MYH15: variants seen among roughly 807,000 people sequenced by gnomAD.
The protein encoded by MYH15 is myosin-15.
Under a neutral mutation model 240.5 loss-of-function variants are expected in MYH15, and 227 were observed. The ratio of observed to expected loss-of-function variants is 0.94; its 90% CI spans 0.85 to 1.05. MYH15 has a LOEUF of 1.05. Ranked by LOEUF, MYH15 falls within the 50% of genes least tolerant of loss-of-function variation. The probability of loss-of-function intolerance (pLI) is 0.00; values close to 1 mark genes in which losing one functional copy is unlikely to be tolerated. For synonymous variants in MYH15, 785 were observed against 796.7 expected, an observed-to-expected ratio of 0.99 and a Z score of 0.25; for missense variants, 2,217 against 2,247.5, an observed-to-expected ratio of 0.99 and a Z score of 0.27.
At chr3:108,535,235 T>C in the MYH15 span, among the ~76,000 whole-genome samples, 2 of 152,190 alleles carry the variant, frequency 1.3e-5, no homozygotes, top group African/African-American at 2.4e-5. Context: ...TGGGCTGCTA[T>C]AGTAAAATAC....
intron 33 of MYH15, among the ~76,000 whole-genome samples, chr3:108,400,108 T>C (rs915719168): frequency 2.6e-5 from 4 of 152,188 alleles, no homozygotes; most frequent in Non-Finnish European, 5.9e-5. Flanking sequence ...AAATGTTCAC[T>C]TGTGAGATCC....
Position 108,464,832 on chromosome 3 carries a change from G to A in MYH15, c.1555-18C>T. ...CCCATTGGCTGTTGAAGAGACATAAGAGCAGCAGATTTCTTTAAAAACACC... is the reference window on the plus strand; with the variant it reads ...CCCATTGGCTGTTGAAGAGACATAAAAGCAGCAGATTTCTTTAAAAACACC... On this transcript the variant is annotated intron_variant, in intron 14 of 40. Transcript: ENST00000693548. 6.4e-7 allele frequency: 1 copy of A among 1,565,132 alleles called. No individual in the cohort carries two copies. The highest frequency in any genetic ancestry group is 8.6e-7 in the Non-Finnish European group (1 of 1,160,432).
At chr3:108,397,683 G>T (rs1196595703) in intron 35 of MYH15, among the ~76,000 whole-genome samples, 1 of 152,194 alleles carries the variant, frequency 6.6e-6, no homozygotes, top group African/African-American at 2.4e-5. Context: ...AAGGATCTAA[G>T]AATTCTTGCT....
intron 6 of MYH15, 144 bp from the exon 7 acceptor site, chr3:108,496,016 C>G: frequency 1.8e-6 from 1 of 550,670 alleles, no homozygotes; most frequent in East Asian, 3.0e-5. Flanking sequence ...GTTATATTAT[C>G]TTCGAATGAG....
intron 21 of MYH15, among the ~76,000 whole-genome samples, chr3:108,448,952 T>G (rs1450295372): frequency 1.3e-5 from 2 of 151,960 alleles, no homozygotes; most frequent in African/African-American, 2.4e-5. Context: ...AACATTTCTA[T>G]ATACTAACAA....
chr3:108,434,190 GT>G (rs5851590), intron 25 of MYH15, among the ~76,000 whole-genome samples: 14,743 of 130,858 alleles, frequency 0.11, 706 homozygotes, highest in South Asian at 0.25. Context: ...ATTGAGAATG[GT>G]TTTTTTTTTT....
chr3:108,496,801 C>CA (rs71673665), intron 6 of MYH15, among the ~76,000 whole-genome samples: 2,154 of 122,912 alleles, frequency 0.018, 17 homozygotes, highest in Middle Eastern at 0.055. Context: ...TAATGCGCAC[C>CA]AAAAAAAAAA....
At chr3:108,484,028 T>A (rs2083287581) in intron 11 of MYH15, among the ~76,000 whole-genome samples, 1 of 152,220 alleles carries the variant, frequency 6.6e-6, no homozygotes, top group African/African-American at 2.4e-5. Context: ...ACAATGTGAA[T>A]GTTCTTCATG....
chr3:108,534,550 T>C, the MYH15 span, among the ~76,000 whole-genome samples: 1 of 152,120 alleles, frequency 6.6e-6, no homozygotes, highest in Non-Finnish European at 1.5e-5. Context: ...AAGTTGTTTC[T>C]GAAGCTTAAG....
At chr3:108,437,405 GA>G (rs35964179) in intron 25 of MYH15, 148 bp downstream of exon 25, 597 of 950,440 alleles carry the variant, frequency 6.3e-4, no homozygotes, top group South Asian at 7.3e-4. Context: ...GTCCAGTAAA[GA>G]AAAAAAAAAT....
chr3:108,529,299 A>G lies in MYH15; in HGVS notation c.-94T>C, dbSNP rs1437696531. On this transcript the variant is annotated 5_prime_UTR_variant, in exon 1 of 42. Coordinates refer to the MYH15 transcript ENST00000273353. ...TGGTAAGATGAGGTAAATACAATTA[A>G]AATGATCATATGAAGTAGAAATGAC... 2.5e-6 allele frequency: 4 copies of G among 1,576,474 alleles called. No individual in the cohort carries two copies. In the Admixed American group the frequency reaches 6.8e-5, roughly 27 times the overall value.
chr3:108,495,985 CA>C (rs35518952), intron 6 of MYH15, 113 bp from the exon 7 acceptor site: 1 of 666,348 alleles, frequency 1.5e-6, no homozygotes. Context: ...AACCAATGGC[CA>C]AAAGCTGCTT....
chr3:108,510,848 GTTTAA>G (rs1370307159), upstream of MYH15, among the ~76,000 whole-genome samples: 3 of 152,054 alleles, frequency 2.0e-5, no homozygotes, highest in East Asian at 1.9e-4. Flanking sequence ...CCATGAAAAT[GTTTAA>G]TTTATTTTTA....
At chr3:108,517,296 C>T (rs1355429075) in intron 1 of MYH15, among the ~76,000 whole-genome samples, 1 of 152,168 alleles carries the variant, frequency 6.6e-6, no homozygotes, top group Non-Finnish European at 1.5e-5. Flanking sequence ...TGGATCTCTG[C>T]ACTGAGCTAT....
At chr3:108,495,626 T>C (rs546991732) in intron 7 of MYH15, among the ~76,000 whole-genome samples, 154 bp downstream of exon 7, 1 of 152,300 alleles carries the variant, frequency 6.6e-6, no homozygotes, top group African/African-American at 2.4e-5. Context: ...ATGATATAGA[T>C]AGTAATTTTT....
At chr3:108,410,097 T>C (rs945135275) in intron 31 of MYH15, among the ~76,000 whole-genome samples, 6 of 152,216 alleles carry the variant, frequency 3.9e-5, no homozygotes, top group East Asian at 1.9e-4. Flanking sequence ...ACTCAACTTA[T>C]GACCTATATA....
chr3:108,449,805 G>A (rs1479736405), intron 21 of MYH15, among the ~76,000 whole-genome samples: 4 of 152,058 alleles, frequency 2.6e-5, no homozygotes, highest in Non-Finnish European at 5.9e-5. Flanking sequence ...TATGGAATGG[G>A]AGAAAATATT....
intron 27 of MYH15, among the ~76,000 whole-genome samples, chr3:108,427,212 T>C (rs948434556): frequency 6.6e-6 from 1 of 152,222 alleles, no homozygotes; most frequent in Admixed American, 6.5e-5. Context: ...TGAATGTATT[T>C]TGCTTATGTG....
At chr3:108,382,772 A>AAT (rs1560299673) in intron 40 of MYH15, among the ~76,000 whole-genome samples, 5 of 152,092 alleles carry the variant, frequency 3.3e-5, no homozygotes, top group African/African-American at 9.6e-5. Flanking sequence ...TTTAAAAAAA[A>AAT]AATAATAATA....
Sources: gnomAD v4.1 joint callset for allele counts (sites outside exome capture counted in the v4.1 genomes callset) on GRCh38, gnomAD v4.1.1 for gene constraint, MANE v1.5 for transcripts, NCBI Gene and HGNC (gene_info 2026-07-23, HGNC 2026-07-21) for gene names.